POFUT2: variants seen among roughly 807,000 people sequenced by gnomAD.
POFUT2 encodes protein O-fucosyltransferase 2.
POFUT2 carries 30 observed loss-of-function variants against 55.0 expected under a neutral mutation model. The ratio of observed to expected loss-of-function variants is 0.55; its 90% CI spans 0.41 to 0.74. The LOEUF (loss-of-function observed/expected upper bound fraction) is 0.74. Ranked by LOEUF, POFUT2 falls within the 30% of genes least tolerant of loss-of-function variation. The pLI is 0.00. For synonymous variants in POFUT2, 267 were observed against 231.1 expected, an observed-to-expected ratio of 1.16 and a Z score of -1.41; for missense variants, 524 against 562.6, an observed-to-expected ratio of 0.93 and a Z score of 0.69.
chr21:45,282,717 G>T lies in POFUT2; in HGVS notation c.528-258C>A. The stretch of plus-strand genomic sequence containing the variant: ...CGGGATGGCCGGGGAGGCAGAGGGA[G>T]CCGGACAGAGGCAGCCCTGTGCACC... On this transcript the variant is annotated intron_variant, in intron 3 of 8. Transcript: ENST00000349485. The surrounding 1 kb of genome is among the most constrained non-coding windows in gnomAD (Gnocchi z 4.6). The T allele has an allele frequency of 1.9e-6, 1 of 538,462 alleles. No individual in the cohort carries two copies. 33.4% of individuals were successfully genotyped at this position (538,462 alleles called of 1,614,324 possible).
In POFUT2 at chr21:45,282,346, C is replaced by T. The variant is rs774215895; in HGVS notation, c.638+3G>A. 8.8e-6 allele frequency: 14 copies of T among 1,599,298 alleles called. No individual in the cohort carries two copies. In the Admixed American group the frequency reaches 2.2e-4, roughly 25 times the overall value. On this transcript the variant is annotated splice_donor_region_variant and intron_variant, in intron 4 of 8. Transcript: ENST00000349485. This position sits in a 1 kb window ranked among gnomAD's most constrained non-coding sequence, Gnocchi z 4.6. Reference sequence around the variant, plus strand: ...CTGCTCCCGGGGGGCCTGGGGCACTCACCGGGCTGATGTGTTTCTCAGCAG... The same window carrying T: ...CTGCTCCCGGGGGGCCTGGGGCACTTACCGGGCTGATGTGTTTCTCAGCAG...
rs546929287 is a variant in POFUT2, at chr21:45,270,150, G to C, written c.832-131C>G. The C allele has an allele frequency of 7.0e-5, 39 of 560,450 alleles. No homozygotes were observed. In the South Asian group the frequency reaches 1.4e-3, roughly 21 times the overall value. The allele number at this position is 560,450 out of a possible 1,614,324, so 34.7% of individuals were successfully genotyped here. On this transcript the variant is annotated intron_variant, in intron 6 of 8. Transcript: ENST00000349485. The surrounding 1 kb of genome is among the most constrained non-coding windows in gnomAD (Gnocchi z 4.6). ...GCCTCCTCCACGGGGTGGCTCCAGG[G>C]CTGTCTAAGGGATTCAGGTGGAATC...
rs202214206 is a variant in POFUT2, at chr21:45,267,734, C to A, written c.1013-21G>T. 6.2e-7 allele frequency: 1 copy of A among 1,608,328 alleles called. No individual in the cohort carries two copies. Among genetic ancestry groups the A allele is most frequent in the South Asian group, 1.1e-5 (1 of 90,922 alleles). On this transcript the variant is annotated intron_variant, in intron 7 of 8. Transcript: ENST00000349485. The surrounding 1 kb of genome is among the most constrained non-coding windows in gnomAD (Gnocchi z 4.4). Reference sequence around the variant, plus strand: ...ATATTCTGCAAAGTAGAAGGAGAGACCCTTTGAACCGGGATCCTCCAGTAA... The same window carrying A: ...ATATTCTGCAAAGTAGAAGGAGAGAACCTTTGAACCGGGATCCTCCAGTAA...
At position 45,285,664 on chromosome 21, in the gene POFUT2, C is replaced by A. The variant is rs1228738028; in HGVS notation, c.382+14G>T. ...TAAGCAACCACGGCCTCCCAGCGTG[C>A]CGCTCGGCCTCACCTGCGATGAACT... On this transcript the variant is annotated intron_variant, in intron 2 of 8. Transcript: ENST00000349485. The surrounding 1 kb of genome is among the most constrained non-coding windows in gnomAD (Gnocchi z 4.9). The A allele has an allele frequency of 6.2e-7, 1 of 1,613,296 alleles. No homozygotes were observed. Among genetic ancestry groups the A allele is most frequent in the East Asian group, 2.2e-5 (1 of 44,894 alleles).
rs13049700 is a variant in POFUT2, at chr21:45,281,994, G to C, written c.638+355C>G. Among the ~76,000 whole-genome samples, 44,182 of 151,934 alleles carry C rather than the reference G, an allele frequency of 0.29. 6,738 individuals carry two copies. Among genetic ancestry groups the C allele is most frequent in the South Asian group, 0.5 (2,404 of 4,812 alleles). ...AAACAGTGGGTGTTGGGTGTGGGGA[G>C]GGGGGAGGTACTGGTAAAAGCTGCC... On this transcript the variant is annotated intron_variant, in intron 4 of 8. Coordinates refer to ENST00000349485, the MANE Select transcript of POFUT2 (RefSeq NM_133635.6). The surrounding 1 kb of genome is among the most constrained non-coding windows in gnomAD (Gnocchi z 5.0).
rs1390362725 is a variant in POFUT2, at chr21:45,269,831, C to T, written c.1012+8G>A. Reference sequence around the variant, plus strand: ...AAGGAAAGAAACGAAAGCATTGAAGCTCCATACCCTTTCTGACGGCATCTG... The same window carrying T: ...AAGGAAAGAAACGAAAGCATTGAAGTTCCATACCCTTTCTGACGGCATCTG... On this transcript the variant is annotated splice_region_variant and intron_variant, in intron 7 of 8. Coordinates refer to ENST00000349485, the MANE Select transcript of POFUT2 (RefSeq NM_133635.6). 3 of 1,596,798 alleles carry T rather than the reference C, an allele frequency of 1.9e-6. No individual in the cohort carries two copies. The highest frequency in any genetic ancestry group is 2.3e-5 in the South Asian group (2 of 87,350).
intron 6 of POFUT2, among the ~76,000 whole-genome samples, chr21:45,276,698 G>A (rs984873490): frequency 3.9e-5 from 6 of 152,116 alleles, no homozygotes; most frequent in African/African-American, 1.2e-4. Flanking sequence ...TGACCACCTC[G>A]AGCTCCTGCT....
Position 45,265,907 on chromosome 21 carries a change from C to T in POFUT2, c.1137-272G>A, listed in dbSNP as rs771118435. On this transcript the variant is annotated intron_variant, in intron 8 of 8. Coordinates refer to ENST00000349485, the MANE Select transcript of POFUT2 (RefSeq NM_133635.6). The surrounding 1 kb of genome is among the most constrained non-coding windows in gnomAD (Gnocchi z 4.6). ...AGCAGCCGCCACGCTCCTGTCCCACCGCATGTCCCCCTGGGAGCCCTCCTC... is the reference window on the plus strand; with the variant it reads ...AGCAGCCGCCACGCTCCTGTCCCACTGCATGTCCCCCTGGGAGCCCTCCTC... 5.9e-5 allele frequency: 78 copies of T among 1,313,266 alleles called. No homozygotes were observed. Among genetic ancestry groups the T allele is most frequent in the Non-Finnish European group, 5.3e-5 (54 of 1,021,528 alleles). 81.4% of individuals were successfully genotyped at this position (1,313,266 alleles called of 1,614,324 possible).
chr21:45,266,114 G>A, intron 8 of POFUT2: 1 of 1,357,596 alleles, frequency 7.4e-7, no homozygotes, highest in Non-Finnish European at 9.8e-7. Context: ...CACGCTGTAT[G>A]GGCTGGTGGG....
chr21:45,272,601 A>C (rs1262906327), intron 6 of POFUT2, among the ~76,000 whole-genome samples: 3 of 152,330 alleles, frequency 2.0e-5, no homozygotes, highest in Middle Eastern at 3.4e-3. Flanking sequence ...CAGAATATAC[A>C]TTCTGTTCGT....
intron 6 of POFUT2, among the ~76,000 whole-genome samples, chr21:45,274,313 G>A (rs2093244454): frequency 6.6e-6 from 1 of 152,146 alleles, no homozygotes; most frequent in Non-Finnish European, 1.5e-5. Flanking sequence ...AGAATTCATA[G>A]ACAACAAAAA....
Position 45,265,821 on chromosome 21 carries a change from T to C in POFUT2, c.1137-186A>G. ...GCTGGCACCCCTCGCTCAGGTGCCC[T>C]CGACATCGGCGCCCTGAGGGGCTCT... On this transcript the variant is annotated intron_variant, in intron 8 of 8. Coordinates refer to ENST00000349485, the MANE Select transcript of POFUT2 (RefSeq NM_133635.6). The surrounding 1 kb of genome is among the most constrained non-coding windows in gnomAD (Gnocchi z 4.6). The C allele has an allele frequency of 1.2e-5, 17 of 1,408,058 alleles. No individual in the cohort carries two copies. The highest frequency in any genetic ancestry group is 1.6e-5 in the Non-Finnish European group (17 of 1,083,044). 87.2% of individuals were successfully genotyped at this position (1,408,058 alleles called of 1,614,324 possible). A position where few individuals can be genotyped will look rare whatever the true frequency, so the allele number is the denominator to read the frequency against.
rs1177167114 is a variant in POFUT2 at position 45,269,912 on chromosome 21, C to G, written c.939G>C (p.Val313=). Residue 313 remains valine (V), a synonymous_variant, in exon 7 of 9, where the codon GTG becomes GTC. Coordinates refer to ENST00000349485, the MANE Select transcript of POFUT2 (RefSeq NM_133635.6). ...RQDVPSLEGA[V]RKIRSLMKTH... ...TCTTCATGAGGCTGCGGATCTTCCT[C>G]ACGGCCCCTTCCAGACTGGGTACAT... 3 of 1,610,542 alleles carry G rather than the reference C, an allele frequency of 1.9e-6. No homozygotes were observed. In the Admixed American group the frequency reaches 5.1e-5, roughly 27 times the overall value.
At chr21:45,286,023 T>C (rs548421520) in intron 1 of POFUT2, 95 bp from the exon 2 acceptor site, 9 of 1,107,816 alleles carry the variant, frequency 8.1e-6, no homozygotes, top group South Asian at 1.5e-5. Flanking sequence ...GGCCCGACTC[T>C]AGGCACTTAA....
chr21:45,277,882 G>A lies in POFUT2; in HGVS notation c.705+221C>T. The A allele has an allele frequency of 1.7e-6, 1 of 593,826 alleles. No individual in the cohort carries two copies. The highest frequency in any genetic ancestry group is 2.0e-5 in the South Asian group (1 of 50,834). 36.8% of individuals were successfully genotyped at this position (593,826 alleles called of 1,614,324 possible). A position where few individuals can be genotyped will look rare whatever the true frequency, so the allele number is the denominator to read the frequency against. On this transcript the variant is annotated intron_variant, in intron 5 of 8. Transcript: ENST00000349485. The surrounding 1 kb of genome is among the most constrained non-coding windows in gnomAD (Gnocchi z 6.9). ...CGCATTCAGGGCCTGTGGCATCAGA[G>A]GGGAGAGCTGGGTGGCCCTGCGGGC...
rs1344668686 is a variant in POFUT2 at position 45,270,048 on chromosome 21, A to C, written c.832-29T>G. On this transcript the variant is annotated intron_variant, in intron 6 of 8. Transcript: ENST00000349485. This position sits in a 1 kb window ranked among gnomAD's most constrained non-coding sequence, Gnocchi z 4.6. The stretch of plus-strand genomic sequence containing the variant: ...GCAAAGAACCACAAGGAAATGCAGA[A>C]GCTGACAGGCGGGCTCGGGGCTCAT... 9 of 1,500,012 alleles carry C rather than the reference A, an allele frequency of 6.0e-6. No individual in the cohort carries two copies. The highest frequency in any genetic ancestry group is 8.0e-6 in the Non-Finnish European group (9 of 1,129,832). The allele number at this position is 1,500,012 out of a possible 1,614,324, so 92.9% of individuals were successfully genotyped here. A position where few individuals can be genotyped will look rare whatever the true frequency, so the allele number is the denominator to read the frequency against.
chr21:45,268,828 C>T (rs1370515939), intron 7 of POFUT2, among the ~76,000 whole-genome samples: 64 of 141,064 alleles, frequency 4.5e-4, no homozygotes, highest in South Asian at 9.6e-4. Flanking sequence ...GTCAGCCCTC[C>T]GCCCGGCCAG....
At chr21:45,268,625 C>G (rs376290503) in intron 7 of POFUT2, among the ~76,000 whole-genome samples, 1 of 151,602 alleles carries the variant, frequency 6.6e-6, no homozygotes, top group Non-Finnish European at 1.5e-5. Context: ...GGGAGCGCCT[C>G]TGCCCCGCCG....
In POFUT2 at chr21:45,284,685, T is replaced by C. The variant is rs773322882; in HGVS notation, c.382+993A>G. 2.0e-5 allele frequency among the ~76,000 whole-genome samples: 3 copies of C among 152,220 alleles called. No homozygotes were observed. Among genetic ancestry groups the C allele is most frequent in the African/African-American group, 7.2e-5 (3 of 41,440 alleles). On this transcript the variant is annotated intron_variant, in intron 2 of 8. Transcript: ENST00000349485. The surrounding 1 kb of genome is among the most constrained non-coding windows in gnomAD (Gnocchi z 5.8). Reference sequence around the variant, plus strand: ...ACCAAAGGGAGGTAAGGATAGCATCTCTGGGTTCCTATAACCCAATGTTCA... The same window carrying C: ...ACCAAAGGGAGGTAAGGATAGCATCCCTGGGTTCCTATAACCCAATGTTCA...
Sources: allele counts gnomAD v4.1 joint callset (sites outside exome capture counted in the v4.1 genomes callset), GRCh38; gene constraint gnomAD v4.1.1; non-coding constraint Gnocchi (gnomAD v3.1); transcripts MANE v1.5; gene names NCBI Gene and HGNC (gene_info 2026-07-23, HGNC 2026-07-21).